PCDHGA9: variants seen among roughly 807,000 people sequenced by gnomAD.
PCDHGA9 encodes the protein protocadherin gamma subfamily A, 9.
Under a neutral mutation model 62.5 loss-of-function variants are expected in PCDHGA9, and 37 were observed. The ratio of observed to expected loss-of-function variants is 0.59; its 90% CI spans 0.46 to 0.78. The LOEUF (loss-of-function observed/expected upper bound fraction) is 0.78, where lower values mean the gene tolerates loss of function less well. Ranked by LOEUF, PCDHGA9 falls within the 30% of genes least tolerant of loss-of-function variation. The pLI is 0.00. For missense variants in PCDHGA9, 1,138 were observed against 1,166.2 expected (o/e 0.98, Z 0.35); for synonymous variants, 459 against 484.6 (o/e 0.95, Z 0.69).
At chr5:141,438,591 CATATATATATATATATATATAT>C (rs946798767) in intron 1 of PCDHGA9, among the ~76,000 whole-genome samples, 1 of 75,562 alleles carries the variant, frequency 1.3e-5, no homozygotes, top group Middle Eastern at 7.4e-3. Context: ...TACATACATA[CATATATATATATATATATATAT>C]ATATATATAT....
At chr5:141,450,932 C>G (rs868373954) in intron 1 of PCDHGA9, among the ~76,000 whole-genome samples, 1 of 151,134 alleles carries the variant, frequency 6.6e-6, no homozygotes, top group Admixed American at 6.6e-5. Context: ...TCAAGCAATT[C>G]TCCTACCTCA....
intron 1 of PCDHGA9, chr5:141,419,707 C>T (rs781629810): frequency 4.6e-5 from 74 of 1,613,062 alleles, no homozygotes; most frequent in Middle Eastern, 1.7e-4. Flanking sequence ...AGCCCGGGCT[C>T]TTCAGCCTGG....
chr5:141,496,081 C>A (rs976166091), intron 2 of PCDHGA9, among the ~76,000 whole-genome samples: 1 of 152,060 alleles, frequency 6.6e-6, no homozygotes, highest in Non-Finnish European at 1.5e-5. Flanking sequence ...CACAACCCCC[C>A]ACCCACCACC....
At chr5:141,438,834 T>A (rs915381229) in intron 1 of PCDHGA9, among the ~76,000 whole-genome samples, 5 of 150,606 alleles carry the variant, frequency 3.3e-5, no homozygotes, top group South Asian at 2.1e-4. Context: ...GCTAATTTTT[T>A]AAAATATTTT....
Position 141,491,900 on chromosome 5 carries a change from G to T in PCDHGA9, c.2425-2907G>T. The T allele has an allele frequency of 7.0e-7, 1 of 1,429,936 alleles. No homozygotes were observed. The highest frequency in any genetic ancestry group is 1.5e-5 in the South Asian group (1 of 67,072). 88.6% of individuals were successfully genotyped at this position (1,429,936 alleles called of 1,614,324 possible). A position where few individuals can be genotyped will look rare whatever the true frequency, so the allele number is the denominator to read the frequency against. ...TAAGGGATGGGGCTCCGAGCACCGG[G>T]GGTGGTGGCGACTGTGGGCGAGGGG... On this transcript the variant is annotated intron_variant, in intron 1 of 3. Transcript: ENST00000573521. This position sits in a 1 kb window ranked among gnomAD's most constrained non-coding sequence, Gnocchi z 6.9.
intron 1 of PCDHGA9, among the ~76,000 whole-genome samples, chr5:141,466,637 A>G (rs944728391): frequency 1.1e-4 from 16 of 152,234 alleles, no homozygotes; most frequent in Admixed American, 8.5e-4. Flanking sequence ...CATTGTCTCC[A>G]TAAACTTTTC....
intron 1 of PCDHGA9, among the ~76,000 whole-genome samples, chr5:141,472,243 T>A (rs1276064128): frequency 6.6e-6 from 1 of 152,190 alleles, no homozygotes; most frequent in East Asian, 1.9e-4. Context: ...TCACTTTCTA[T>A]TTTAAAGTTA....
At chr5:141,450,831 T>TATA (rs761717068) in intron 1 of PCDHGA9, among the ~76,000 whole-genome samples, 3 of 144,648 alleles carry the variant, frequency 2.1e-5, no homozygotes, top group Non-Finnish European at 4.5e-5. Flanking sequence ...TTATTATTAT[T>TATA]TTTTTTTTTT....
chr5:141,472,200 C>A (rs2099274166), intron 1 of PCDHGA9, among the ~76,000 whole-genome samples: 1 of 152,110 alleles, frequency 6.6e-6, no homozygotes, highest in Non-Finnish European at 1.5e-5. Flanking sequence ...ATCTTTTTGA[C>A]ACTAAGACCT....
intron 1 of PCDHGA9, chr5:141,420,414 T>C: frequency 8.2e-7 from 1 of 1,221,674 alleles, no homozygotes; most frequent in Non-Finnish European, 1.1e-6. Flanking sequence ...GTTATCATTA[T>C]TAAAACAAAA....
chr5:141,427,469 C>T lies in PCDHGA9; in HGVS notation c.2424+22093C>T, dbSNP rs116302471. The T allele has an allele frequency of 9.8e-3, 5,010 of 510,088 alleles. 35 individuals are homozygous for T. Among genetic ancestry groups the T allele is most frequent in the Non-Finnish European group, 0.012 (3,225 of 262,464 alleles). 31.6% of individuals were successfully genotyped at this position (510,088 alleles called of 1,614,324 possible). A position where few individuals can be genotyped will look rare whatever the true frequency, so the allele number is the denominator to read the frequency against. On this transcript the variant is annotated intron_variant, in intron 1 of 3. Coordinates refer to ENST00000573521, the MANE Select transcript of PCDHGA9 (RefSeq NM_018921.3). Reference sequence around the variant, plus strand: ...GAGTTCCTTTTAGAATCGAATCTTCCGCCAATAATGACTATAAGCTTGTAA... The same window carrying T: ...GAGTTCCTTTTAGAATCGAATCTTCTGCCAATAATGACTATAAGCTTGTAA...
chr5:141,417,111 G>A (rs1014827063), intron 1 of PCDHGA9: 13 of 152,012 alleles, frequency 8.6e-5, no homozygotes, highest in African/African-American at 2.7e-4. Context: ...AAGCAATACA[G>A]GACACCCTGG....
chr5:141,495,839 A>G (rs2099764148), intron 2 of PCDHGA9, among the ~76,000 whole-genome samples: 1 of 150,756 alleles, frequency 6.6e-6, no homozygotes, highest in South Asian at 2.1e-4. Flanking sequence ...CCCAGCCTCT[A>G]TGTTTCTCTG....
intron 1 of PCDHGA9, among the ~76,000 whole-genome samples, chr5:141,474,143 TATC>T (rs1371874237): frequency 1.3e-5 from 2 of 152,188 alleles, no homozygotes; most frequent in Non-Finnish European, 2.9e-5. Context: ...CAGGCCTTAT[TATC>T]AAGAAAATGA....
At chr5:141,472,980 C>CAAAAAAAAAAAAAAAAGAAAA (rs2099308501) in intron 1 of PCDHGA9, among the ~76,000 whole-genome samples, 1 of 86,106 alleles carries the variant, frequency 1.2e-5, no homozygotes, top group Non-Finnish European at 2.5e-5. Context: ...GAGTGAAACT[C>CAAAAAAAAAAAAAAAAGAAAA]AAAAAAAAAA....
chr5:141,476,977 C>T lies in PCDHGA9; in HGVS notation c.2425-17830C>T, dbSNP rs141692339. 3,083 of 1,614,232 alleles carry T rather than the reference C, an allele frequency of 1.9e-3. 52 individuals carry two copies. The African/African-American group carries it at 0.034, about 18-fold the overall frequency. Reference sequence around the variant, plus strand: ...TTATTTACTCCTTCGGCAGCCACAACCGCGCCGGCGTGCGGCAACTATTCG... The same window carrying T: ...TTATTTACTCCTTCGGCAGCCACAATCGCGCCGGCGTGCGGCAACTATTCG... On this transcript the variant is annotated intron_variant, in intron 1 of 3. Coordinates refer to ENST00000573521, the MANE Select transcript of PCDHGA9 (RefSeq NM_018921.3). This position sits in a 1 kb window ranked among gnomAD's most constrained non-coding sequence, Gnocchi z 7.6.
At chr5:141,410,403 A>G (rs752705682) in intron 1 of PCDHGA9, 2 of 1,614,028 alleles carry the variant, frequency 1.2e-6, no homozygotes, top group Admixed American at 1.7e-5. Context: ...CTCTGTGTCA[A>G]GTCTGGACCT....
chr5:141,414,752 A>G (rs1339630983), intron 1 of PCDHGA9: 9 of 1,614,110 alleles, frequency 5.6e-6, no homozygotes, highest in Non-Finnish European at 7.6e-6. Flanking sequence ...TCCTTCGACT[A>G]TGAGCAGTTT....
In PCDHGA9 at chr5:141,490,745, C is replaced by T. The variant is rs769031787; in HGVS notation, c.2425-4062C>T. 22 of 1,614,120 alleles carry T rather than the reference C, an allele frequency of 1.4e-5. No individual in the cohort carries two copies. Among genetic ancestry groups the T allele is most frequent in the Non-Finnish European group, 1.9e-5 (22 of 1,180,050 alleles). On this transcript the variant is annotated intron_variant, in intron 1 of 3. Transcript: ENST00000573521. The surrounding 1 kb of genome is among the most constrained non-coding windows in gnomAD (Gnocchi z 5.4). Reference sequence around the variant, plus strand: ...GTAGGAAATCAGGTTCAGGGAGCCCCAGCCTCCTCCTTTGTGTATGTCAAC... The same window carrying T: ...GTAGGAAATCAGGTTCAGGGAGCCCTAGCCTCCTCCTTTGTGTATGTCAAC...
Sources: gnomAD v4.1 joint callset for allele counts (sites outside exome capture counted in the v4.1 genomes callset) on GRCh38, gnomAD v4.1.1 for gene constraint, Gnocchi (gnomAD v3.1) non-coding constraint, MANE v1.5 for transcripts, NCBI Gene and HGNC (gene_info 2026-07-23, HGNC 2026-07-21) for gene names.